DEPDC1B: variants seen among roughly 807,000 people sequenced by gnomAD.
The protein encoded by DEPDC1B is DEP domain-containing protein 1B.
In DEPDC1B, 51 loss-of-function variants were observed where a neutral mutation model predicts 66.5. The observed-to-expected ratio is 0.77, with a 90% CI of 0.61 to 0.97. The LOEUF (loss-of-function observed/expected upper bound fraction) is 0.97. Among genes scored for constraint, DEPDC1B ranks in the 50% least tolerant of loss-of-function variants. The pLI is 0.00. For missense variants in DEPDC1B, 552 were observed against 637.1 expected (o/e 0.87, Z 1.44); for synonymous variants, 226 against 223.6 (o/e 1.01, Z -0.10).
intron 4 of DEPDC1B, 65 bp downstream of exon 4, chr5:60,645,427 G>A: frequency 7.0e-7 from 1 of 1,433,746 alleles, no homozygotes; most frequent in Non-Finnish European, 9.4e-7. Flanking sequence ...TATGCAGAGA[G>A]TGAAGAAGTA....
At position 60,656,437 on chromosome 5, in the gene DEPDC1B, C is replaced by T. The variant is rs368650788; in HGVS notation, c.315-8904G>A. On this transcript the variant is annotated intron_variant, in intron 2 of 10. Coordinates refer to ENST00000265036, the MANE Select transcript of DEPDC1B (RefSeq NM_018369.3). ...TGCTGGGATTACAGGCATGAGCCAC[C>T]GTGCCCAGCCCCAGTCCATTGTTTC... 2.6e-4 allele frequency among the ~76,000 whole-genome samples: 39 copies of T among 152,260 alleles called. No homozygotes were observed. In the South Asian group the frequency reaches 3.1e-3, roughly 12 times the overall value.
chr5:60,638,362 C>A (rs969397014), intron 7 of DEPDC1B, among the ~76,000 whole-genome samples: 8 of 152,090 alleles, frequency 5.3e-5, no homozygotes, highest in Non-Finnish European at 1.2e-4. Context: ...AATTAGATTT[C>A]TAAATGAAAA....
intron 2 of DEPDC1B, among the ~76,000 whole-genome samples, chr5:60,679,314 A>C (rs1281879516): frequency 6.6e-6 from 1 of 152,232 alleles, no homozygotes; most frequent in Non-Finnish European, 1.5e-5. Context: ...ATACTAAGCC[A>C]TAAAACTGGG....
At chr5:60,668,015 A>T (rs1212106857) in intron 2 of DEPDC1B, among the ~76,000 whole-genome samples, 2 of 107,880 alleles carry the variant, frequency 1.9e-5, no homozygotes, top group African/African-American at 8.7e-5. Context: ...TGGATATTTT[A>T]TATATATATA....
chr5:60,644,441 G>A (rs1484503432), intron 5 of DEPDC1B, among the ~76,000 whole-genome samples: 1 of 152,038 alleles, frequency 6.6e-6, no homozygotes, highest in Non-Finnish European at 1.5e-5. Context: ...TCTAACTCTT[G>A]GTTATGTCTT....
intron 2 of DEPDC1B, among the ~76,000 whole-genome samples, chr5:60,669,798 AGAGAG>A (rs1487577217): frequency 5.3e-5 from 8 of 151,020 alleles, no homozygotes; most frequent in Non-Finnish European, 2.9e-5. Flanking sequence ...ATTTTTAAGG[AGAGAG>A]GTGAGCTTAT....
intron 2 of DEPDC1B, among the ~76,000 whole-genome samples, chr5:60,663,406 G>C (rs184135664): frequency 2.1e-4 from 32 of 152,314 alleles, no homozygotes; most frequent in African/African-American, 7.2e-4. Flanking sequence ...GTGGAGGTTA[G>C]TGCAAGATCT....
rs1382147200 is a variant in DEPDC1B, at chr5:60,645,524, T to C, written c.546A>G (p.Val182=). 2 of 1,612,706 alleles carry C rather than the reference T, an allele frequency of 1.2e-6. No individual in the cohort carries two copies. Among genetic ancestry groups the C allele is most frequent in the Non-Finnish European group, 1.7e-6 (2 of 1,179,312 alleles). The part of the protein sequence containing the change: ...VHRRQLTEAN[V]EEIWKSMTLS... ...ATGTCATAGACTTCCATATCTCTTCTACATTGGCCTCTGTCAGCTGTCTGC... is the reference window on the plus strand; with the variant it reads ...ATGTCATAGACTTCCATATCTCTTCCACATTGGCCTCTGTCAGCTGTCTGC... The change falls in exon 4 of 11, where the codon GTA becomes GTG. Residue 182 remains valine, a synonymous_variant. Coordinates refer to ENST00000265036, the MANE Select transcript of DEPDC1B (RefSeq NM_018369.3).
At chr5:60,696,440 A>C (rs530193907) in intron 1 of DEPDC1B, among the ~76,000 whole-genome samples, 2 of 152,200 alleles carry the variant, frequency 1.3e-5, no homozygotes, top group Non-Finnish European at 2.9e-5. Context: ...TTTAAAGCCT[A>C]CTGAGGTCAC....
chr5:60,689,878 C>CA, intron 1 of DEPDC1B, among the ~76,000 whole-genome samples: 1 of 152,160 alleles, frequency 6.6e-6, no homozygotes, highest in South Asian at 2.1e-4. Flanking sequence ...CCCATTTCTA[C>CA]AAAAAATTTA....
At chr5:60,619,091 C>G (rs1752638821) in intron 7 of DEPDC1B, among the ~76,000 whole-genome samples, 1 of 152,194 alleles carries the variant, frequency 6.6e-6, no homozygotes, top group Non-Finnish European at 1.5e-5. Context: ...TTCAACAGCC[C>G]TTCATGCTAA....
intron 6 of DEPDC1B, 64 bp downstream of exon 6, chr5:60,642,748 T>G: frequency 1.1e-5 from 14 of 1,329,520 alleles, no homozygotes; most frequent in Non-Finnish European, 1.5e-5. Context: ...GAGCAGAAAT[T>G]TTTCCTAATT....
chr5:60,669,942 T>C (rs953681407), intron 2 of DEPDC1B, among the ~76,000 whole-genome samples: 2 of 152,118 alleles, frequency 1.3e-5, no homozygotes, highest in East Asian at 3.9e-4. Context: ...CAAGAAAAAC[T>C]ACAACCACTT....
In DEPDC1B at chr5:60,654,387, C is replaced by A. The variant is rs535860904; in HGVS notation, c.315-6854G>T. ...TTTTCTTTTTTTTTGGTGGGGGGTA[C>A]TATTGTAAAAGGAATTGAGTTATTG... On this transcript the variant is annotated intron_variant, in intron 2 of 10. Transcript: ENST00000265036. Among the ~76,000 whole-genome samples the A allele has an allele frequency of 1.4e-5, 2 of 144,686 alleles. 1 individual carries two copies. The highest frequency in any genetic ancestry group is 4.6e-4 in the South Asian group (2 of 4,312). The allele number at this position is 144,686 out of a possible 152,430, so 94.9% of individuals were successfully genotyped here. A position where few individuals can be genotyped will look rare whatever the true frequency, so the allele number is the denominator to read the frequency against.
intron 1 of DEPDC1B, among the ~76,000 whole-genome samples, chr5:60,697,617 G>A (rs535948846): frequency 1.3e-5 from 2 of 152,172 alleles, no homozygotes; most frequent in South Asian, 2.1e-4. Context: ...AATGTTGGCT[G>A]CAATCACTGA....
intron 2 of DEPDC1B, among the ~76,000 whole-genome samples, chr5:60,678,746 T>A (rs948989747): frequency 9.2e-5 from 14 of 152,224 alleles, no homozygotes; most frequent in African/African-American, 3.1e-4. Flanking sequence ...ATTGGATTGC[T>A]TGTTTACTTA....
chr5:60,657,295 T>C (rs1278679141), intron 2 of DEPDC1B, among the ~76,000 whole-genome samples: 1 of 152,212 alleles, frequency 6.6e-6, no homozygotes, highest in Non-Finnish European at 1.5e-5. Context: ...TTACATTCAA[T>C]GTTAGTACTG....
At chr5:60,680,067 T>G (rs1754263458) in intron 2 of DEPDC1B, among the ~76,000 whole-genome samples, 1 of 152,166 alleles carries the variant, frequency 6.6e-6, no homozygotes, top group Non-Finnish European at 1.5e-5. Flanking sequence ...ATCACAGAAG[T>G]AGAAATGTTT....
intron 3 of DEPDC1B, among the ~76,000 whole-genome samples, chr5:60,646,490 C>T (rs1003666447): frequency 6.6e-6 from 1 of 152,192 alleles, no homozygotes; most frequent in Non-Finnish European, 1.5e-5. Context: ...CATATAAAAA[C>T]AGCTGCCATA....
Sources: allele counts gnomAD v4.1 joint callset (sites outside exome capture counted in the v4.1 genomes callset), GRCh38; gene constraint gnomAD v4.1.1; transcripts MANE v1.5; gene names NCBI Gene and HGNC (gene_info 2026-07-23, HGNC 2026-07-21).